The following PALS1 variants were observed in gnomAD, a reference collection of about 807,000 sequenced individuals.
The protein encoded by PALS1 is protein associated with LIN7 1, MAGUK p55 family member.
PALS1 carries 31 observed loss-of-function variants against 78.9 expected under a neutral mutation model. The observed-to-expected ratio is 0.39, with a 90% confidence interval of 0.30 to 0.53. The LOEUF (loss-of-function observed/expected upper bound fraction) is 0.53, where lower values mean the gene tolerates loss of function less well. Ranked by LOEUF, PALS1 falls within the 20% of genes least tolerant of loss-of-function variation. The pLI, the probability that PALS1 is intolerant of heterozygous loss-of-function variation, is 0.67. For synonymous variants in PALS1, 276 were observed against 270.9 expected, an observed-to-expected ratio of 1.02 and a Z score of -0.18; for missense variants, 704 against 826.5, an observed-to-expected ratio of 0.85 and a Z score of 1.82.
intron 4 of PALS1, among the ~76,000 whole-genome samples, chr14:67,300,259 T>C (rs969651331): frequency 6.6e-6 from 1 of 151,752 alleles, no homozygotes; most frequent in Non-Finnish European, 1.5e-5. Context: ...TTGGGTTTCA[T>C]AGGAAAATTA....
In PALS1 at chr14:67,323,636, A is replaced by ATATATC. The variant is rs113299402; in HGVS notation, c.1741-65_1741-64insATATCT. On this transcript the variant is annotated intron_variant, in intron 13 of 14. Coordinates refer to ENST00000261681, the MANE Select transcript of PALS1 (RefSeq NM_022474.4). ...ATCTAATATATATATATATATATAT[A>ATATATC]TCAGTATTATTAGGAAGTAATTAAA... 1,509 of 434,760 alleles carry ATATATC rather than the reference A, an allele frequency of 3.5e-3. 24 individuals are homozygous for ATATATC. The highest frequency in any genetic ancestry group is 0.028 in the African/African-American group (1,305 of 45,866). The allele number at this position is 434,760 out of a possible 1,614,324, so 26.9% of individuals were successfully genotyped here. A position where few individuals can be genotyped will look rare whatever the true frequency, so the allele number is the denominator to read the frequency against.
chr14:67,248,189 A>C (rs1397176624), intron 1 of PALS1, among the ~76,000 whole-genome samples: 1 of 152,166 alleles, frequency 6.6e-6, no homozygotes. Context: ...TTAAACAAAA[A>C]TCATTTTGGA....
At position 67,324,043 on chromosome 14, in the gene PALS1, C is replaced by T. The variant is rs1026286621; in HGVS notation, c.1851+231C>T. ...AACCTTTGAGCGTCTTCACATGGGT[C>T]TGTGACATTTCTAGGGAGATGTGAC... is the stretch of plus-strand genomic sequence containing the variant. On this transcript the variant is annotated intron_variant, in intron 14 of 14. Coordinates refer to ENST00000261681, the MANE Select transcript of PALS1 (RefSeq NM_022474.4). Among the ~76,000 whole-genome samples, 7 of 152,176 alleles carry T rather than the reference C, an allele frequency of 4.6e-5. No individual in the cohort carries two copies. The East Asian group carries it at 9.6e-4, about 21-fold the overall frequency.
chr14:67,258,496 C>G (rs1419373018), intron 1 of PALS1, among the ~76,000 whole-genome samples: 2 of 152,194 alleles, frequency 1.3e-5, no homozygotes, highest in African/African-American at 2.4e-5. Context: ...TCACAGCTTA[C>G]TGCAGCCTTG....
intron 1 of PALS1, among the ~76,000 whole-genome samples, chr14:67,250,169 TTTCATTTAAAA>T (rs2084046057): frequency 6.6e-6 from 1 of 152,184 alleles, no homozygotes; most frequent in Non-Finnish European, 1.5e-5. Context: ...GTGTTCATAA[TTTCATTTAAAA>T]TTCAGCCACC....
At chr14:67,260,250 G>C (rs115152600) in intron 1 of PALS1, among the ~76,000 whole-genome samples, 1 of 152,142 alleles carries the variant, frequency 6.6e-6, no homozygotes, top group Non-Finnish European at 1.5e-5. Context: ...CACCCTGACT[G>C]TGCCTGATCT....
chr14:67,283,005 T>G (rs2084626074), intron 3 of PALS1, among the ~76,000 whole-genome samples: 1 of 152,108 alleles, frequency 6.6e-6, no homozygotes, highest in Admixed American at 6.5e-5. Context: ...CTATCATATA[T>G]GTGACTATAA....
chr14:67,275,603 C>G (rs959402636), intron 2 of PALS1, among the ~76,000 whole-genome samples: 1 of 152,044 alleles, frequency 6.6e-6, no homozygotes, highest in African/African-American at 2.4e-5. Flanking sequence ...GTGTCTCTGC[C>G]CGGCTTTGGT....
At chr14:67,256,293 T>C (rs2084144454) in intron 1 of PALS1, among the ~76,000 whole-genome samples, 1 of 152,222 alleles carries the variant, frequency 6.6e-6, no homozygotes. Flanking sequence ...TAAACACTGT[T>C]CTGAAGCTTG....
At chr14:67,249,214 G>A (rs1336371210) in intron 1 of PALS1, among the ~76,000 whole-genome samples, 9 of 152,190 alleles carry the variant, frequency 5.9e-5, no homozygotes, top group East Asian at 1.9e-4. Flanking sequence ...TGCACGTCTC[G>A]GCCTCCCAAA....
At chr14:67,308,497 A>G (rs965969023) in intron 8 of PALS1, among the ~76,000 whole-genome samples, 1 of 151,428 alleles carries the variant, frequency 6.6e-6, no homozygotes, top group Non-Finnish European at 1.5e-5. Flanking sequence ...CAAGTGGAAT[A>G]TAGATCCTGA....
chr14:67,246,658 T>TG lies in PALS1; in HGVS notation c.-237+5125_-237+5126insG, dbSNP rs533484806. On this transcript the variant is annotated intron_variant, in intron 1 of 14. Transcript: ENST00000261681. ...GCCTGGCCTACTATAGGTTTTTTTT[T>TG]TTTTTTTTTTTGAGATGGAGTCTTG... Among the ~76,000 whole-genome samples, 10 of 148,378 alleles carry TG rather than the reference T, an allele frequency of 6.7e-5. No individual in the cohort carries two copies. In the South Asian group the frequency reaches 2.0e-3, roughly 30 times the overall value.
chr14:67,295,560 C>T (rs191317210), intron 4 of PALS1, among the ~76,000 whole-genome samples: 219 of 150,960 alleles, frequency 1.5e-3, no homozygotes, highest in Non-Finnish European at 2.6e-3. Flanking sequence ...TGACAACAGT[C>T]ACTTCACAAA....
intron 3 of PALS1, among the ~76,000 whole-genome samples, chr14:67,282,092 T>C (rs1400919974): frequency 6.6e-6 from 1 of 152,192 alleles, no homozygotes; most frequent in Non-Finnish European, 1.5e-5. Context: ...AGATATCTGT[T>C]ATGTAAGAAT....
At chr14:67,245,066 C>T (rs1196312201) in intron 1 of PALS1, among the ~76,000 whole-genome samples, 2 of 152,198 alleles carry the variant, frequency 1.3e-5, no homozygotes, top group African/African-American at 4.8e-5. Context: ...TGTCTAGAAT[C>T]TTGAAGAGGC....
intron 2 of PALS1, among the ~76,000 whole-genome samples, chr14:67,276,673 C>T (rs890333890): frequency 1.3e-5 from 2 of 152,112 alleles, no homozygotes; most frequent in African/African-American, 4.8e-5. Flanking sequence ...CTTTCTCTCC[C>T]AGTAGACTGA....
Position 67,301,397 on chromosome 14 carries a change from T to G in PALS1, c.585T>G (p.Thr195=), listed in dbSNP as rs757851628. Residue 195 remains threonine (T), a synonymous_variant, in exon 5 of 15, where the codon ACT becomes ACG. Transcript: ENST00000261681. The part of the protein sequence containing the change: ...NAQDLAQEVQ[T]VLKPVHHKEG... The stretch of plus-strand genomic sequence containing the variant: ...TTATTTTTGTTTCTTAGGTACAAAC[T>G]GTTTTGAAGCCAGTTCATCATAAGG... 3 of 1,607,552 alleles carry G rather than the reference T, an allele frequency of 1.9e-6. No individual in the cohort carries two copies. The highest frequency in any genetic ancestry group is 1.1e-5 in the South Asian group (1 of 89,916).
chr14:67,260,620 G>C (rs1370887301), intron 1 of PALS1, among the ~76,000 whole-genome samples: 1 of 151,996 alleles, frequency 6.6e-6, no homozygotes, highest in Non-Finnish European at 1.5e-5. Context: ...TGATGGAAGA[G>C]GAAAATCTTA....
Position 67,333,135 on chromosome 14 carries a change from G to T in PALS1, c.*179G>T. On this transcript the variant is annotated 3_prime_UTR_variant, in exon 15 of 15. Transcript: ENST00000261681. ...AGTTCCCTTAGGCAGTTTGTGCATG[G>T]CATCCTTTATTCTCTATACATGGCT... 1.9e-6 allele frequency: 1 copy of T among 537,012 alleles called. No individual in the cohort carries two copies. The allele number at this position is 537,012 out of a possible 1,614,324, so 33.3% of individuals were successfully genotyped here. A position where few individuals can be genotyped will look rare whatever the true frequency, so the allele number is the denominator to read the frequency against.
Sources: gnomAD v4.1 joint callset for allele counts (sites outside exome capture counted in the v4.1 genomes callset) on GRCh38, gnomAD v4.1.1 for gene constraint, MANE v1.5 for transcripts, NCBI Gene and HGNC (gene_info 2026-07-23, HGNC 2026-07-21) for gene names.